Variants in NXPE4 observed in about 807,000 individuals in gnomAD.
NXPE4 encodes neurexophilin and PC-esterase domain family member 4, also known as NXPE family member 4.
In NXPE4, 42 loss-of-function variants were observed where a neutral mutation model predicts 33.3. That is an observed-to-expected ratio of 1.26 (90% CI 0.98 to 1.63). The LOEUF (loss-of-function observed/expected upper bound fraction) is 1.63. Ranked by LOEUF, NXPE4 falls within the 40% of genes most tolerant of loss-of-function variation. The pLI, the probability that NXPE4 is intolerant of heterozygous loss-of-function variation, is 0.00. For missense variants in NXPE4, 709 were observed against 647.6 expected (o/e 1.09, Z -1.03); for synonymous variants, 253 against 234.9 (o/e 1.08, Z -0.71).
At chr11:114,646,012 A>C in the NXPE4 span, among the ~76,000 whole-genome samples, 1 of 152,154 alleles carries the variant, frequency 6.6e-6, no homozygotes, top group Non-Finnish European at 1.5e-5. Flanking sequence ...AGTACTTCAG[A>C]GAAAAATCTC....
the NXPE4 span, among the ~76,000 whole-genome samples, chr11:114,655,130 G>A: frequency 1.3e-5 from 2 of 150,000 alleles, no homozygotes; most frequent in Non-Finnish European, 3.0e-5. Context: ...CTTCTTTCGA[G>A]AAGTGTCTGT....
At chr11:114,625,489 C>G in the NXPE4 span, among the ~76,000 whole-genome samples, 1 of 152,138 alleles carries the variant, frequency 6.6e-6, no homozygotes, top group Non-Finnish European at 1.5e-5. Context: ...ATATGTATGG[C>G]CTCGTGGGTA....
chr11:114,634,293 C>T, the NXPE4 span, among the ~76,000 whole-genome samples: 881 of 152,108 alleles, frequency 5.8e-3, 11 homozygotes, highest in African/African-American at 0.016. Context: ...GTCCTTTGCC[C>T]ACTTTTTGAT....
the NXPE4 span, among the ~76,000 whole-genome samples, chr11:114,619,602 T>C: frequency 7.0e-6 from 1 of 143,278 alleles, no homozygotes. Context: ...AACCAGTGCT[T>C]CCCAGTGGAA....
the NXPE4 span, among the ~76,000 whole-genome samples, chr11:114,617,412 C>A: frequency 6.6e-6 from 1 of 152,094 alleles, no homozygotes; most frequent in African/African-American, 2.4e-5. Context: ...TCGTGGGTAA[C>A]CACTGTTACC....
the NXPE4 span, among the ~76,000 whole-genome samples, chr11:114,606,026 C>T: frequency 6.6e-6 from 1 of 151,560 alleles, no homozygotes; most frequent in African/African-American, 2.4e-5. Flanking sequence ...ACCACTGTTA[C>T]CAGGAGGATA....
intron 5 of NXPE4, among the ~76,000 whole-genome samples, chr11:114,574,633 T>C (rs1948958343): frequency 6.6e-6 from 1 of 152,066 alleles, no homozygotes; most frequent in Non-Finnish European, 1.5e-5. Context: ...ACAACCCTCC[T>C]AGATTAAACC....
At chr11:114,659,187 A>G in the NXPE4 span, among the ~76,000 whole-genome samples, 1 of 152,194 alleles carries the variant, frequency 6.6e-6, no homozygotes, top group South Asian at 2.1e-4. Flanking sequence ...GTTAATCTAT[A>G]CTGTTTTAAA....
At chr11:114,637,173 A>G in the NXPE4 span, among the ~76,000 whole-genome samples, 7 of 151,842 alleles carry the variant, frequency 4.6e-5, no homozygotes, top group Non-Finnish European at 1.5e-5. Context: ...TATATTTAGG[A>G]TAGTTAGCTC....
chr11:114,620,573 G>A, the NXPE4 span, among the ~76,000 whole-genome samples: 1 of 152,114 alleles, frequency 6.6e-6, no homozygotes, highest in African/African-American at 2.4e-5. Flanking sequence ...TTACGCGGTG[G>A]ATAATAAGTG....
rs1949191871 is a variant in NXPE4 at position 114,582,998 on chromosome 11, G to A, written c.120C>T (p.Ser40=). 4 of 1,612,588 alleles carry A rather than the reference G, an allele frequency of 2.5e-6. No individual in the cohort carries two copies. The highest frequency in any genetic ancestry group is 2.2e-5 in the South Asian group (2 of 91,018). ...STKVWSALNL[S]ISLHYWNNST... ...AGTTGTTCCAGTAATGGAGGGAGAT[G>A]GATAAGTTTAGAGCAGACCAAACCT... The change falls in exon 3 of 6, where the codon TCC becomes TCT. Residue 40 remains serine, a synonymous_variant. Transcript: ENST00000375478.
the NXPE4 span, among the ~76,000 whole-genome samples, chr11:114,639,600 G>A: frequency 6.1e-5 from 9 of 148,564 alleles, no homozygotes; most frequent in Non-Finnish European, 1.3e-4. Flanking sequence ...GTTCCTATTC[G>A]GCCATCTTGG....
chr11:114,582,191 C>A (rs1949161663), intron 3 of NXPE4, 97 bp downstream of exon 3: 1 of 1,348,240 alleles, frequency 7.4e-7, no homozygotes, highest in Non-Finnish European at 1.0e-6. Context: ...ACTAAAGACA[C>A]CCAAAATTAA....
chr11:114,648,756 C>T, the NXPE4 span, among the ~76,000 whole-genome samples: 1 of 152,102 alleles, frequency 6.6e-6, no homozygotes. Context: ...AACTTACTAA[C>T]TTCTTCTCCA....
the NXPE4 span, among the ~76,000 whole-genome samples, chr11:114,671,803 T>C: frequency 6.6e-6 from 1 of 152,130 alleles, no homozygotes; most frequent in Admixed American, 6.6e-5. Flanking sequence ...GGAGAATTCC[T>C]CAGTTTGAAA....
At chr11:114,647,973 T>G in the NXPE4 span, among the ~76,000 whole-genome samples, 2 of 152,318 alleles carry the variant, frequency 1.3e-5, no homozygotes, top group East Asian at 3.9e-4. Context: ...GTTCTGGGAT[T>G]ACAGGCATGA....
In NXPE4 at chr11:114,571,008, G is replaced by A. The variant is rs1483019895; in HGVS notation, c.1565C>T (p.Thr522Ile). ...DAWDITIAYG[T>I]NNVHPPQHVV... ...ATGTTGAGGTGGGTGTACATTATTT[G>A]TGCCATATGCAATTGTTATATCCCA... The change falls in exon 6 of 6, where the codon ACA becomes ATA. Residue 522 changes from threonine (T) to isoleucine (I), a missense_variant. Physicochemically the swap from Thr to Ile is moderately conservative, Grantham distance 89 (BLOSUM62 -1). Coordinates refer to ENST00000375478, the MANE Select transcript of NXPE4 (RefSeq NM_001077639.2). 5.6e-6 allele frequency: 9 copies of A among 1,612,970 alleles called. No individual in the cohort carries two copies. The highest frequency in any genetic ancestry group is 7.6e-6 in the Non-Finnish European group (9 of 1,179,154).
the NXPE4 span, among the ~76,000 whole-genome samples, chr11:114,638,912 G>GGGGTCAA: frequency 9.2e-5 from 14 of 152,028 alleles, no homozygotes; most frequent in South Asian, 2.9e-3. Context: ...TTGGGGGTCA[G>GGGGTCAA]GGGTCAGGGA....
the NXPE4 span, among the ~76,000 whole-genome samples, chr11:114,602,395 A>G: frequency 7.8e-6 from 1 of 128,930 alleles, no homozygotes; most frequent in South Asian, 2.3e-4. Context: ...GCTATATATT[A>G]TATATTATAC....
Sources: gnomAD v4.1 joint callset for allele counts (sites outside exome capture counted in the v4.1 genomes callset) on GRCh38, gnomAD v4.1.1 for gene constraint, MANE v1.5 for transcripts, NCBI Gene and HGNC (gene_info 2026-07-23, HGNC 2026-07-21) for gene names.